The following DCDC1 variants were observed in gnomAD, a reference collection of about 807,000 sequenced individuals.
DCDC1 encodes the protein doublecortin domain-containing protein 1.
DCDC1 carries 200 observed loss-of-function variants against 178.3 expected under a neutral mutation model. That is an observed-to-expected ratio of 1.12 (90% CI 1.00 to 1.26). DCDC1 has a LOEUF of 1.26. DCDC1 is among the 50% of genes most tolerant of loss of function. The pLI, the probability that DCDC1 is intolerant of heterozygous loss-of-function variation, is 0.00. For synonymous variants in DCDC1, 690 were observed against 604.8 expected, an observed-to-expected ratio of 1.14 and a Z score of -2.07; for missense variants, 1,983 against 1,749.2, an observed-to-expected ratio of 1.13 and a Z score of -2.38.
chr11:31,122,264 A>G lies in DCDC1; in HGVS notation c.1485+5205T>C, dbSNP rs894361046. On this transcript the variant is annotated intron_variant, in intron 11 of 38. Coordinates refer to ENST00000684477, the MANE Select transcript of DCDC1 (RefSeq NM_001387274.1). ...CCACCACCATCACGAATTCTAAGAT[A>G]TAAGTATAGAGAAAAGTTTTAGCTA... 2.6e-5 allele frequency among the ~76,000 whole-genome samples: 4 copies of G among 152,188 alleles called. 1 individual carries two copies. Among genetic ancestry groups the G allele is most frequent in the Admixed American group, 2.0e-4 (3 of 15,262 alleles).
At chr11:31,227,437 C>T (rs573666379) in intron 9 of DCDC1, among the ~76,000 whole-genome samples, 4 of 152,116 alleles carry the variant, frequency 2.6e-5, no homozygotes, top group Admixed American at 2.6e-4. Context: ...GGGATTTACC[C>T]CCATGATCTA....
At chr11:30,945,037 C>T (rs1397004768) in intron 21 of DCDC1, among the ~76,000 whole-genome samples, 6 of 129,002 alleles carry the variant, frequency 4.7e-5, no homozygotes, top group Non-Finnish European at 9.4e-5. Context: ...GGCACAATCT[C>T]AGCTCACTGC....
intron 20 of DCDC1, among the ~76,000 whole-genome samples, chr11:31,010,213 C>G (rs940857441): frequency 1.8e-4 from 28 of 152,228 alleles, no homozygotes; most frequent in Non-Finnish European, 5.9e-5. Context: ...AGTGTGAAGT[C>G]CAGGCACAGC....
intron 18 of DCDC1, among the ~76,000 whole-genome samples, chr11:31,073,613 C>G (rs1279271686): frequency 2.7e-5 from 4 of 148,610 alleles, no homozygotes; most frequent in Non-Finnish European, 4.4e-5. Flanking sequence ...TACAAGACTC[C>G]TTCTTCATCT....
In DCDC1 at chr11:30,920,783, C is replaced by A; in HGVS notation, c.3286G>T (p.Glu1096Ter). The change falls in exon 25 of 39, where the codon GAA becomes TAA. Residue 1096 changes from glutamate to a stop codon, truncating the protein, a stop_gained. Coordinates refer to ENST00000684477, the MANE Select transcript of DCDC1 (RefSeq NM_001387274.1). LOFTEE classifies it high-confidence loss of function. Reference protein sequence around the residue: ...DPLTTENASSEILDSHVRAHL... With the variant: ...DPLTTENASS ...GCTACACTGATTACTTACAGAATTT[C>A]ACTGGAAGCATTTTCCGTTGTTAGA... is the stretch of plus-strand genomic sequence containing the variant. 1 of 1,613,388 alleles carries A rather than the reference C, an allele frequency of 6.2e-7. No individual in the cohort carries two copies. Among genetic ancestry groups the A allele is most frequent in the Non-Finnish European group, 8.5e-7 (1 of 1,179,616 alleles).
At chr11:31,368,018 GTCTGAT>G in intron 1 of DCDC1, among the ~76,000 whole-genome samples, 1 of 152,264 alleles carries the variant, frequency 6.6e-6, no homozygotes, top group Non-Finnish European at 1.5e-5. Flanking sequence ...TGTACATTTT[GTCTGAT>G]TCTGAGTCAA....
chr11:30,990,629 T>C (rs1282281027), intron 20 of DCDC1, among the ~76,000 whole-genome samples: 1 of 152,222 alleles, frequency 6.6e-6, no homozygotes, highest in Non-Finnish European at 1.5e-5. Context: ...AATGCAGCTA[T>C]TTGTTAGGTG....
chr11:31,305,369 G>A (rs990253662), intron 6 of DCDC1, among the ~76,000 whole-genome samples: 4 of 152,056 alleles, frequency 2.6e-5, no homozygotes, highest in African/African-American at 9.7e-5. Context: ...TTAACCTCCT[G>A]CAGGCTCCCT....
chr11:31,332,656 C>T (rs1290456456), intron 2 of DCDC1, among the ~76,000 whole-genome samples: 1 of 152,142 alleles, frequency 6.6e-6, no homozygotes, highest in Non-Finnish European at 1.5e-5. Flanking sequence ...CATTCAAGAG[C>T]AGGTTGTTCG....
intron 9 of DCDC1, among the ~76,000 whole-genome samples, chr11:31,210,242 T>C (rs1268846278): frequency 2.0e-5 from 3 of 152,194 alleles, no homozygotes; most frequent in Admixed American, 6.5e-5. Flanking sequence ...AGTTCTTCCA[T>C]AGCAAAACCT....
chr11:31,128,273 T>C (rs1055099807), intron 10 of DCDC1, among the ~76,000 whole-genome samples: 2 of 152,098 alleles, frequency 1.3e-5, no homozygotes, highest in Non-Finnish European at 1.5e-5. Flanking sequence ...ATAAAACGTA[T>C]AGTTTTTCCA....
At chr11:31,366,494 C>T (rs533635738) in intron 1 of DCDC1, among the ~76,000 whole-genome samples, 7 of 151,888 alleles carry the variant, frequency 4.6e-5, no homozygotes, top group Non-Finnish European at 8.8e-5. Context: ...AGTTGAGGGG[C>T]GGCAGTAAGT....
chr11:30,886,334 T>C (rs977918576), intron 36 of DCDC1, among the ~76,000 whole-genome samples: 1 of 152,106 alleles, frequency 6.6e-6, no homozygotes, highest in Non-Finnish European at 1.5e-5. Context: ...GAGATTGCAG[T>C]AGATTCATAT....
chr11:30,927,980 G>A (rs77023552), intron 22 of DCDC1, among the ~76,000 whole-genome samples: 3,261 of 152,132 alleles, frequency 0.021, 80 homozygotes, highest in South Asian at 0.087. Flanking sequence ...CATAATATAC[G>A]TTAGTGGTAT....
chr11:31,327,527 G>A (rs1363210305), intron 3 of DCDC1, among the ~76,000 whole-genome samples: 1 of 152,084 alleles, frequency 6.6e-6, no homozygotes, highest in Admixed American at 6.6e-5. Context: ...TAAGCATGGT[G>A]ACTGGCACCT....
rs1591707892 is a variant in DCDC1 at position 31,305,710 on chromosome 11, C to A, written c.659G>T (p.Gly220Val). 9 of 1,613,830 alleles carry A rather than the reference C, an allele frequency of 5.6e-6. 1 individual carries two copies. The South Asian group carries it at 8.8e-5, about 16-fold the overall frequency. The change falls in exon 6 of 39, where the codon GGC (glycine) becomes GTC (valine). Residue 220 changes from glycine (G) to valine (V), a missense_variant. Gly to Val is a moderately radical substitution (Grantham distance 109). Coordinates refer to ENST00000684477, the MANE Select transcript of DCDC1 (RefSeq NM_001387274.1). ...MAARRVFLAD[G>V]KEALEPEDIP... ...ATCTTCAGGTTCGAGGGCTTCCTTG[C>A]CGTCTGCCAAGAACACTCGTCTTGC...
At chr11:30,911,519 G>A in intron 27 of DCDC1, 99 bp from the exon 28 acceptor site, 1 of 832,278 alleles carries the variant, frequency 1.2e-6, no homozygotes, top group Non-Finnish European at 2.0e-6. Flanking sequence ...CTCCATGCAT[G>A]CTCTGTAATA....
intron 9 of DCDC1, among the ~76,000 whole-genome samples, chr11:31,176,985 T>A (rs2136257657): frequency 6.6e-6 from 1 of 152,228 alleles, no homozygotes; most frequent in South Asian, 2.1e-4. Context: ...AGAAGTAAAT[T>A]CATAAATCAA....
chr11:31,082,642 T>G (rs1957252604), intron 17 of DCDC1, among the ~76,000 whole-genome samples: 1 of 152,044 alleles, frequency 6.6e-6, no homozygotes, highest in Non-Finnish European at 1.5e-5. Context: ...GTAATACATC[T>G]ACACATATAT....
Sources: gnomAD v4.1 joint callset for allele counts (sites outside exome capture counted in the v4.1 genomes callset) on GRCh38, gnomAD v4.1.1 for gene constraint, MANE v1.5 for transcripts, NCBI Gene and HGNC (gene_info 2026-07-23, HGNC 2026-07-21) for gene names.